TRRAP: variants seen among roughly 807,000 people sequenced by gnomAD.
TRRAP encodes transformation/transcription domain associated protein.
Under a neutral mutation model 438.8 loss-of-function variants are expected in TRRAP, and 41 were observed. The ratio of observed to expected loss-of-function variants is 0.09; its 90% CI spans 0.07 to 0.12. The LOEUF is 0.12. Among genes scored for constraint, TRRAP ranks in the 10% least tolerant of loss-of-function variants. The pLI, the probability that TRRAP is intolerant of heterozygous loss-of-function variation, is 1.00. For synonymous variants in TRRAP, 1,994 were observed against 1,962.9 expected (o/e 1.02, Z -0.42); for missense variants, 3,122 against 5,055.1 (o/e 0.62, Z 11.60).
chr7:98,911,413 C>A, intron 17 of TRRAP, 142 bp downstream of exon 17: 3 of 817,738 alleles, frequency 3.7e-6, no homozygotes, highest in Non-Finnish European at 5.5e-6. Context: ...AAATATTAGG[C>A]CATAATGTCT....
chr7:98,951,057 A>ATGTG (rs1162734325), intron 39 of TRRAP, 53 bp downstream of exon 39: 5 of 662,148 alleles, frequency 7.6e-6, no homozygotes, highest in Admixed American at 4.1e-5. Context: ...GTGGATGAAC[A>ATGTG]TCTGTGTGTG....
intron 31 of TRRAP, among the ~76,000 whole-genome samples, chr7:98,943,854 C>T (rs990726485): frequency 2.6e-5 from 4 of 152,312 alleles, no homozygotes; most frequent in East Asian, 1.9e-4. Context: ...GCATAATTAA[C>T]GTGGCTTTTT....
intron 20 of TRRAP, among the ~76,000 whole-genome samples, chr7:98,921,088 C>T (rs1393092924): frequency 2.6e-5 from 4 of 152,230 alleles, no homozygotes; most frequent in Non-Finnish European, 5.9e-5. Context: ...CCGCCCACCT[C>T]AGCCTCCCAA....
At position 98,993,531 on chromosome 7, in the gene TRRAP, C is replaced by G. The variant is rs1292973463; in HGVS notation, c.9848-7C>G. 1 of 1,608,280 alleles carries G rather than the reference C, an allele frequency of 6.2e-7. No individual in the cohort carries two copies. The highest frequency in any genetic ancestry group is 1.3e-5 in the African/African-American group (1 of 74,930). ...GCTGACACTGGCGTTGTGTGTGTTG[C>G]TCTCAGATTCTGGACAGCAGCAGCC... is the stretch of plus-strand genomic sequence containing the variant. On this transcript the variant is annotated splice_region_variant and splice_polypyrimidine_tract_variant and intron_variant, in intron 65 of 72. Transcript: ENST00000456197.
Position 99,008,399 on chromosome 7 carries a change from C to T in TRRAP, c.10776C>T (p.Ser3592=). The change falls in exon 70 of 73, where the codon TCC becomes TCT. Residue 3592 remains serine (S), a synonymous_variant. Transcript: ENST00000456197. ...CAGTGCCCCGGGTTGTGGCAGTTTC[C>T]CCACAGATGCGCCTCGTGGAGGACA... The part of the protein sequence containing the change: ...FFTVPRVVAV[S]PQMRLVEDNP... 1 of 1,614,210 alleles carries T rather than the reference C, an allele frequency of 6.2e-7. No individual in the cohort carries two copies. Among genetic ancestry groups the T allele is most frequent in the Non-Finnish European group, 8.5e-7 (1 of 1,180,036 alleles).
At chr7:98,995,109 T>C (rs1793590915) in intron 67 of TRRAP, among the ~76,000 whole-genome samples, 1 of 152,176 alleles carries the variant, frequency 6.6e-6, no homozygotes, top group Non-Finnish European at 1.5e-5. Context: ...CACACTGCCC[T>C]CCTGCCCTCC....
chr7:98,886,424 A>G (rs1554403986), intron 3 of TRRAP, among the ~76,000 whole-genome samples: 1 of 152,174 alleles, frequency 6.6e-6, no homozygotes, highest in Admixed American at 6.6e-5. Flanking sequence ...AGATATGGAT[A>G]TCTAGAGAGA....
intron 27 of TRRAP, among the ~76,000 whole-genome samples, chr7:98,934,508 C>T (rs1445039241): frequency 6.6e-6 from 1 of 152,174 alleles, no homozygotes; most frequent in Non-Finnish European, 1.5e-5. Context: ...GCATGGAAAA[C>T]TCCTCACTGC....
In TRRAP at chr7:98,921,868, A is replaced by G. The variant is rs1789811711; in HGVS notation, c.2738A>G (p.His913Arg). 1 of 1,614,242 alleles carries G rather than the reference A, an allele frequency of 6.2e-7. No individual in the cohort carries two copies. The highest frequency in any genetic ancestry group is 2.2e-5 in the East Asian group (1 of 44,888). Residue 913 changes from histidine to arginine, a missense_variant, in exon 21 of 73, where the codon CAC (histidine) becomes CGC (arginine). Transcript: ENST00000456197. The stretch of plus-strand genomic sequence containing the variant: ...ATGCTGAAGGAGTCGCAGAAGCTGC[A>G]CTACGTTGTGACCGAGGTTCAGGGC... ...RKMLKESQKL[H>R]YVVTEVQGPS...
chr7:98,976,502 G>A lies in TRRAP; in HGVS notation c.7979G>A (p.Ser2660Asn). 3.1e-6 allele frequency: 5 copies of A among 1,611,402 alleles called. No homozygotes were observed. Among genetic ancestry groups the A allele is most frequent in the Non-Finnish European group, 4.2e-6 (5 of 1,179,958 alleles). The change falls in exon 55 of 73, where the codon AGT becomes AAT. Residue 2660 changes from serine (S) to asparagine (N), a missense_variant. Around this residue, in one of 24 missense-constraint regions of TRRAP, gnomAD observed 992 missense variants for 1,281.2 expected, o/e 0.77. Transcript: ENST00000456197. The surrounding 1 kb of genome is among the most constrained non-coding windows in gnomAD (Gnocchi z 4.6). ...RQQHALAGEISPFLCSGSHQV... is the reference protein window; with the variant it reads ...RQQHALAGEINPFLCSGSHQV... ...TTTCAGGCACTCGCGGGTGAGATAA[G>A]TCCATTTCTGTGCAGCGGCAGTCAC...
rs1019428745 is a variant in TRRAP at position 99,005,988 on chromosome 7, C to A, written c.10753+640C>A. Among the ~76,000 whole-genome samples the A allele has an allele frequency of 6.6e-6, 1 of 152,200 alleles. No homozygotes were observed. The highest frequency in any genetic ancestry group is 2.4e-5 in the African/African-American group (1 of 41,452). On this transcript the variant is annotated intron_variant, in intron 69 of 72. Coordinates refer to ENST00000456197, the MANE Select transcript of TRRAP (RefSeq NM_001375524.1). The surrounding 1 kb of genome is among the most constrained non-coding windows in gnomAD (Gnocchi z 5.1). ...CCAGCGCGCCTCTAGCTGCTTCACA[C>A]GCTGCACTCTGGGCCCTCCCTGAAT...
At chr7:98,925,809 G>T (rs1389199361) in intron 22 of TRRAP, among the ~76,000 whole-genome samples, 3 of 152,222 alleles carry the variant, frequency 2.0e-5, no homozygotes, top group Non-Finnish European at 4.4e-5. Context: ...TGCATCAGAA[G>T]TGATGCTGAG....
intron 51 of TRRAP, among the ~76,000 whole-genome samples, chr7:98,968,227 C>T (rs1186411959): frequency 1.3e-5 from 2 of 152,114 alleles, no homozygotes; most frequent in South Asian, 2.1e-4. Context: ...CCATGTTGCC[C>T]GGGCTGGTCA....
At chr7:98,929,917 G>A (rs1790244334) in intron 23 of TRRAP, 72 bp from the exon 24 acceptor site, 2 of 1,519,750 alleles carry the variant, frequency 1.3e-6, no homozygotes, top group Non-Finnish European at 1.8e-6. Flanking sequence ...CTAACTTCAA[G>A]GAAAACATTG....
intron 70 of TRRAP, among the ~76,000 whole-genome samples, chr7:99,010,665 A>G (rs1194921500): frequency 3.3e-5 from 5 of 152,192 alleles, no homozygotes; most frequent in East Asian, 3.9e-4. Context: ...TGTCATTAGT[A>G]TAAAGTCTTG....
chr7:98,945,767 G>C lies in TRRAP; in HGVS notation c.4494G>C (p.Gly1498=), dbSNP rs1352999983. ...CTCAGGAAAGCATTTCCGAGTGCGG[G>C]AGATGTCCCTTGTCTCCATTCTGTC... ...SDGNESISEC[G]RCPLSPFCQF... Residue 1498 remains glycine (G), a synonymous_variant, in exon 32 of 73, where the codon GGG becomes GGC. Coordinates refer to ENST00000456197, the MANE Select transcript of TRRAP (RefSeq NM_001375524.1). 6.3e-7 allele frequency: 1 copy of C among 1,598,318 alleles called. No individual in the cohort carries two copies. The highest frequency in any genetic ancestry group is 8.5e-7 in the Non-Finnish European group (1 of 1,179,746).
intron 58 of TRRAP, 97 bp from the exon 59 acceptor site, chr7:98,981,672 C>A: frequency 7.6e-7 from 1 of 1,310,850 alleles, no homozygotes; most frequent in Non-Finnish European, 1.0e-6. Flanking sequence ...GCCTTGCATA[C>A]CTAGTGACCA....
chr7:98,899,220 A>G (rs1796362343), intron 8 of TRRAP, among the ~76,000 whole-genome samples: 1 of 152,216 alleles, frequency 6.6e-6, no homozygotes, highest in Non-Finnish European at 1.5e-5. Flanking sequence ...ATTGAATTGT[A>G]TTAAATGATA....
chr7:98,983,012 C>T (rs955857563), intron 59 of TRRAP, among the ~76,000 whole-genome samples: 3 of 152,148 alleles, frequency 2.0e-5, no homozygotes, highest in Non-Finnish European at 2.9e-5. Context: ...ATCGTTCTCC[C>T]AGTCTCCTGT....
Sources: gnomAD v4.1 joint callset for allele counts (sites outside exome capture counted in the v4.1 genomes callset) on GRCh38, gnomAD v4.1.1 for gene constraint, gnomAD v4.1.1 regional missense constraint, Gnocchi (gnomAD v3.1) non-coding constraint, MANE v1.5 for transcripts, NCBI Gene and HGNC (gene_info 2026-07-23, HGNC 2026-07-21) for gene names.